WDR53: variants seen among roughly 807,000 people sequenced by gnomAD.
The protein encoded by WDR53 is WD repeat domain 53.
WDR53 carries 19 observed loss-of-function variants against 21.3 expected under a neutral mutation model. The observed-to-expected ratio is 0.89, with a 90% CI of 0.62 to 1.31. The LOEUF is 1.31. WDR53 is among the 50% of genes most tolerant of loss of function. The pLI is 0.00. For synonymous variants in WDR53, 157 were observed against 163.4 expected (o/e 0.96, Z 0.30); for missense variants, 374 against 423.2 (o/e 0.88, Z 1.02).
At chr3:196,564,794 A>C in intron 2 of WDR53, among the ~76,000 whole-genome samples, 1 of 152,196 alleles carries the variant, frequency 6.6e-6, no homozygotes, top group Admixed American at 6.5e-5. Context: ...ATTTGTGTGC[A>C]TACAGGTTTT....
Position 196,567,258 on chromosome 3 carries a change from TGGA to T in WDR53, c.-401_-399del. The T allele has an allele frequency of 2.2e-6, 1 of 456,852 alleles. No homozygotes were observed. The allele number at this position is 456,852 out of a possible 1,614,324, so 28.3% of individuals were successfully genotyped here. On this transcript the variant is annotated 5_prime_UTR_variant, in exon 2 of 4. Coordinates refer to ENST00000332629, the MANE Select transcript of WDR53 (RefSeq NM_182627.3). Reference sequence around the variant, plus strand: ...GGGGTTTCTGAAGTTGGACTTGATGTGGAGAAGCTGGATAGCAACCAAAATGAT... The same window carrying T: ...GGGGTTTCTGAAGTTGGACTTGATGTGAAGCTGGATAGCAACCAAAATGAT...
rs56388313 is a variant in WDR53, at chr3:196,566,878, T to C, written c.-18A>G. 6,663 of 203,020 alleles carry C rather than the reference T, an allele frequency of 0.033. 464 individuals carry two copies. The highest frequency in any genetic ancestry group is 0.14 in the African/African-American group (6,169 of 42,552). The allele number at this position is 203,020 out of a possible 1,614,324, so 12.6% of individuals were successfully genotyped here. On this transcript the variant is annotated splice_region_variant and 5_prime_UTR_variant, in exon 2 of 4. Coordinates refer to ENST00000332629, the MANE Select transcript of WDR53 (RefSeq NM_182627.3). ...AGGGGTTGAGAAGGGTAATCTTACT[T>C]TGAAATTCTACCTGGGGCGCTCAGG...
Position 196,554,724 on chromosome 3 carries a change from T to A in WDR53, c.564A>T (p.Pro188=). The A allele has an allele frequency of 1.9e-6, 3 of 1,614,200 alleles. No individual in the cohort carries two copies. The highest frequency in any genetic ancestry group is 1.7e-6 in the Non-Finnish European group (2 of 1,180,018). Residue 188 remains proline (P), a synonymous_variant, in exon 4 of 4, where the codon CCA becomes CCT. Coordinates refer to ENST00000332629, the MANE Select transcript of WDR53 (RefSeq NM_182627.3). ...GGTTTAAGAGCTGACCAGGTGACTG[T>A]GGGCCTTCCATTTCTTCTGTTTCAT... is the stretch of plus-strand genomic sequence containing the variant. ...QEDETEEMEG[P]QSPGQLLNPA... is the part of the protein sequence containing the mutation.
At chr3:196,555,007 G>A (rs201537604) in intron 3 of WDR53, among the ~76,000 whole-genome samples, 200 bp from the exon 4 acceptor site, 4 of 47,854 alleles carry the variant, frequency 8.4e-5, no homozygotes, top group African/African-American at 2.7e-4. Context: ...ACTAGAGTGC[G>A]GTTAGGTAGA....
intron 3 of WDR53, among the ~76,000 whole-genome samples, chr3:196,558,921 A>G (rs1734575166): frequency 6.6e-6 from 1 of 152,254 alleles, no homozygotes; most frequent in Admixed American, 6.5e-5. Context: ...AATCAAAATA[A>G]GAAATTACCT....
At chr3:196,562,973 CT>C (rs1250995424) in intron 2 of WDR53, among the ~76,000 whole-genome samples, 1 of 152,108 alleles carries the variant, frequency 6.6e-6, no homozygotes, top group Non-Finnish European at 1.5e-5. Context: ...GCTCAGACCA[CT>C]TATGTGCACC....
chr3:196,559,492 T>C lies in WDR53; in HGVS notation c.480+1504A>G, dbSNP rs143402218. Among the ~76,000 whole-genome samples the C allele has an allele frequency of 3.0e-3, 455 of 152,228 alleles. 3 individuals carry two copies. The highest frequency in any genetic ancestry group is 7.5e-3 in the Admixed American group (114 of 15,268). On this transcript the variant is annotated intron_variant, in intron 3 of 3. Coordinates refer to ENST00000332629, the MANE Select transcript of WDR53 (RefSeq NM_182627.3). ...TAGCTTGCAGGAGAGGGGAACAGCA[T>C]GGTGACAACAAAAACAGTCTCATCA...
At chr3:196,556,002 A>T (rs1465106643) in intron 3 of WDR53, among the ~76,000 whole-genome samples, 14 of 152,208 alleles carry the variant, frequency 9.2e-5, no homozygotes, top group Non-Finnish European at 2.9e-5. Context: ...AAAATAAATA[A>T]ATATTAGAAA....
intron 2 of WDR53, 58 bp from the exon 3 acceptor site, chr3:196,561,549 G>A (rs1734875663): frequency 5.5e-6 from 8 of 1,463,652 alleles, no homozygotes; most frequent in Non-Finnish European, 7.3e-6. Flanking sequence ...TTGATGGGAG[G>A]AGACAGATGT....
chr3:196,558,175 T>A (rs1257007893), intron 3 of WDR53, among the ~76,000 whole-genome samples: 11 of 152,078 alleles, frequency 7.2e-5, no homozygotes. Context: ...CACACTTTGC[T>A]TTTAGGGTCC....
chr3:196,561,960 A>T (rs1468443012), intron 2 of WDR53, among the ~76,000 whole-genome samples: 1 of 152,236 alleles, frequency 6.6e-6, no homozygotes, highest in Non-Finnish European at 1.5e-5. Context: ...TCTTCTCTAT[A>T]AAATGAGGAT....
chr3:196,567,443 G>A (rs748266804), intron 1 of WDR53, 136 bp from the exon 2 acceptor site: 2 of 346,604 alleles, frequency 5.8e-6, no homozygotes, highest in Non-Finnish European at 1.1e-5. Context: ...TTTTACTAGA[G>A]ACTAAGAAAT....
At chr3:196,561,999 A>G (rs1734917377) in intron 2 of WDR53, among the ~76,000 whole-genome samples, 1 of 152,196 alleles carries the variant, frequency 6.6e-6, no homozygotes, top group African/African-American at 2.4e-5. Context: ...ATAGGATCAT[A>G]ATATATGTAA....
chr3:196,564,960 T>C (rs1051818677), intron 2 of WDR53, among the ~76,000 whole-genome samples: 2 of 152,192 alleles, frequency 1.3e-5, no homozygotes, highest in Non-Finnish European at 2.9e-5. Context: ...AATTTAATTC[T>C]TTTCTAGAAA....
At chr3:196,557,635 C>A (rs1407328241) in intron 3 of WDR53, among the ~76,000 whole-genome samples, 4 of 152,122 alleles carry the variant, frequency 2.6e-5, no homozygotes, top group Non-Finnish European at 5.9e-5. Context: ...ACCTTTCAAT[C>A]ATTTGTTTTC....
At position 196,561,340 on chromosome 3, in the gene WDR53, T is replaced by A; in HGVS notation, c.136A>T (p.Thr46Ser). Residue 46 changes from threonine to serine, a missense_variant, in exon 3 of 4, where the codon ACG becomes TCG. By Grantham distance (58) the Thr-to-Ser change is moderately conservative. Transcript: ENST00000332629. ...WGEDGTPLGHTRFQGADDVTS... is the reference protein window; with the variant it reads ...WGEDGTPLGHSRFQGADDVTS... ...ACATCATCAGCCCCTTGGAACCGCG[T>A]GTGTCCTAATGGAGTTCCATCTTCA... 6.2e-7 allele frequency: 1 copy of A among 1,614,134 alleles called. No homozygotes were observed. Among genetic ancestry groups the A allele is most frequent in the Non-Finnish European group, 8.5e-7 (1 of 1,180,014 alleles).
chr3:196,567,727 T>C (rs1187948162), intron 1 of WDR53, among the ~76,000 whole-genome samples: 1 of 150,768 alleles, frequency 6.6e-6, no homozygotes, highest in African/African-American at 2.5e-5. Flanking sequence ...GAAATCGTAG[T>C]ATAATCAAAT....
At chr3:196,556,739 T>C (rs1734355554) in intron 3 of WDR53, among the ~76,000 whole-genome samples, 1 of 151,978 alleles carries the variant, frequency 6.6e-6, no homozygotes, top group African/African-American at 2.4e-5. Context: ...TATTGGCAGA[T>C]AGACCCAGTT....
chr3:196,557,377 T>C (rs1192440313), intron 3 of WDR53, among the ~76,000 whole-genome samples: 1 of 152,124 alleles, frequency 6.6e-6, no homozygotes, highest in African/African-American at 2.4e-5. Context: ...AGCCCTCCTC[T>C]GCAGCAAAAA....
Sources: gnomAD v4.1 joint callset for allele counts (sites outside exome capture counted in the v4.1 genomes callset) on GRCh38, gnomAD v4.1.1 for gene constraint, MANE v1.5 for transcripts, NCBI Gene and HGNC (gene_info 2026-07-23, HGNC 2026-07-21) for gene names.